The following UGT2B17 variants were observed in gnomAD, a reference collection of about 807,000 sequenced individuals.
UGT2B17 encodes UDP-glucuronosyltransferase 2B17.
In UGT2B17, 21 loss-of-function variants were observed where a neutral mutation model predicts 48.2. That is an observed-to-expected ratio of 0.44 (90% confidence interval 0.31 to 0.63). The LOEUF (loss-of-function observed/expected upper bound fraction) is 0.63. Among genes scored for constraint, UGT2B17 ranks in the 20% least tolerant of loss-of-function variants. The pLI is 0.08. For synonymous variants in UGT2B17, 146 were observed against 238.4 expected, an observed-to-expected ratio of 0.61 and a Z score of 3.57; for missense variants, 402 against 696.1, an observed-to-expected ratio of 0.58 and a Z score of 4.75.
chr4:68,540,516 G>T (rs142418764), intron 6 of UGT2B17, among the ~76,000 whole-genome samples: 7,383 of 125,972 alleles, frequency 0.059, 1,823 homozygotes, highest in African/African-American at 0.17. Flanking sequence ...TAGAGACAGG[G>T]TTTCACTATG....
intron 4 of UGT2B17, among the ~76,000 whole-genome samples, chr4:68,556,481 A>G (rs1433554649): frequency 8.0e-6 from 1 of 125,006 alleles, no homozygotes; most frequent in Non-Finnish European, 1.7e-5. Context: ...ATCACAGAAG[A>G]GGTGGGTGTG....
chr4:68,576,021 G>A lies in UGT2B17; in HGVS notation c.-135C>T, dbSNP rs751535054. Among the ~76,000 whole-genome samples, 20 of 126,032 alleles carry A rather than the reference G, an allele frequency of 1.6e-4. 5 individuals are homozygous for A. Among genetic ancestry groups the A allele is most frequent in the Middle Eastern group, 7.9e-3 (2 of 252 alleles). 82.7% of individuals were successfully genotyped at this position (126,032 alleles called of 152,430 possible). On this transcript the variant is annotated 5_prime_UTR_variant, in exon 1 of 7. Transcript: ENST00000317746. Reference sequence around the variant, plus strand: ...TTCAGCCACTGTGTTAATCCTCCACGGGGGCCTGCTACGTGTTGATCTGGT... The same window carrying A: ...TTCAGCCACTGTGTTAATCCTCCACAGGGGCCTGCTACGTGTTGATCTGGT...
At chr4:68,555,465 C>G (rs7440777) in intron 4 of UGT2B17, among the ~76,000 whole-genome samples, 31,514 of 124,744 alleles carry the variant, frequency 0.25, 10,232 homozygotes, top group Admixed American at 0.39. Context: ...AAACTATAAA[C>G]TAAGTTCCTC....
In UGT2B17 at chr4:68,568,069, C is replaced by G. The variant is rs1286962315; in HGVS notation, c.416G>C (p.Arg139Thr). The G allele has an allele frequency of 2.3e-5, 32 of 1,382,894 alleles. 8 individuals are homozygous for G. The highest frequency in any genetic ancestry group is 2.9e-5 in the African/African-American group (2 of 67,940). The allele number at this position is 1,382,894 out of a possible 1,614,324, so 85.7% of individuals were successfully genotyped here. A position where few individuals can be genotyped will look rare whatever the true frequency, so the allele number is the denominator to read the frequency against. ...EDAVLNKKLM[R>T]KLQESKFDVL... ...ATCAAATTTTGACTCTTGTAGTTTT[C>G]TCATAAGTTTCTTGTTCAAAACTGC... The change falls in exon 2 of 7, where the codon AGA becomes ACA. Residue 139 changes from arginine to threonine, a missense_variant. Physicochemically the swap from Arg to Thr is moderately conservative, Grantham distance 71. Transcript: ENST00000317746.
rs1315977864 is a variant in UGT2B17 at position 68,575,747 on chromosome 4, A to T, written c.-65+204T>A. Among the ~76,000 whole-genome samples the T allele has an allele frequency of 2.4e-5, 3 of 126,842 alleles. 1 individual carries two copies. Among genetic ancestry groups the T allele is most frequent in the Non-Finnish European group, 5.0e-5 (3 of 59,770 alleles). The allele number at this position is 126,842 out of a possible 152,430, so 83.2% of individuals were successfully genotyped here. A position where few individuals can be genotyped will look rare whatever the true frequency, so the allele number is the denominator to read the frequency against. On this transcript the variant is annotated intron_variant, in intron 1 of 6. Coordinates refer to ENST00000317746, the MANE Select transcript of UGT2B17 (RefSeq NM_001077.4). Reference sequence around the variant, plus strand: ...ATTCAAGTCAAGTCAAAACCAGATCAAAAGTGCCAATACAGGCACACCGTG... The same window carrying T: ...ATTCAAGTCAAGTCAAAACCAGATCTAAAGTGCCAATACAGGCACACCGTG...
intron 6 of UGT2B17, among the ~76,000 whole-genome samples, chr4:68,546,083 C>T (rs1295215818): frequency 1.6e-5 from 2 of 125,904 alleles, no homozygotes; most frequent in Non-Finnish European, 3.4e-5. Context: ...ATGAGGCCAA[C>T]ATCATCCTGA....
chr4:68,559,105 A>T (rs1197283167), intron 4 of UGT2B17, among the ~76,000 whole-genome samples: 1 of 125,430 alleles, frequency 8.0e-6, no homozygotes, highest in Non-Finnish European at 1.7e-5. Context: ...ACTAGCTGTA[A>T]CCTTCCAAAT....
chr4:68,563,591 C>A (rs1459449245), intron 3 of UGT2B17, among the ~76,000 whole-genome samples: 1 of 126,502 alleles, frequency 7.9e-6, no homozygotes, highest in African/African-American at 2.7e-5. Flanking sequence ...TAGTAATAAT[C>A]ACTATTGTAC....
chr4:68,557,130 T>C lies in UGT2B17; in HGVS notation c.1005+3407A>G, dbSNP rs1388792799. 4.0e-5 allele frequency among the ~76,000 whole-genome samples: 5 copies of C among 124,954 alleles called. 1 individual carries two copies. Among genetic ancestry groups the C allele is most frequent in the African/African-American group, 5.4e-5 (2 of 36,702 alleles). 82.0% of individuals were successfully genotyped at this position (124,954 alleles called of 152,430 possible). On this transcript the variant is annotated intron_variant, in intron 4 of 6. Coordinates refer to ENST00000317746, the MANE Select transcript of UGT2B17 (RefSeq NM_001077.4). ...ATGGGAAACTCCTATAATTCTGATA[T>C]GACTTAGTGTGTACATTATCAGTAA... is the stretch of plus-strand genomic sequence containing the variant.
chr4:68,561,698 A>T (rs1731106380), intron 3 of UGT2B17, among the ~76,000 whole-genome samples: 1 of 120,600 alleles, frequency 8.3e-6, no homozygotes, highest in African/African-American at 2.8e-5. Flanking sequence ...ATGAATGAGA[A>T]TTATTCTGAC....
rs1432021855 is a variant in UGT2B17 at position 68,545,362 on chromosome 4, T to C, written c.1313+5315A>G. ...TGAAATGAAGGCAGAATTAAAGATGTTCTTTGAAACCAACGAGAACAAAGA... is the reference window on the plus strand; with the variant it reads ...TGAAATGAAGGCAGAATTAAAGATGCTCTTTGAAACCAACGAGAACAAAGA... On this transcript the variant is annotated intron_variant, in intron 6 of 6. Transcript: ENST00000317746. 2.4e-5 allele frequency among the ~76,000 whole-genome samples: 3 copies of C among 125,922 alleles called. 1 individual carries two copies. The highest frequency in any genetic ancestry group is 5.0e-5 in the Non-Finnish European group (3 of 59,554). 82.6% of individuals were successfully genotyped at this position (125,922 alleles called of 152,430 possible).
chr4:68,542,359 T>G (rs1488005698), intron 6 of UGT2B17, among the ~76,000 whole-genome samples: 1 of 126,306 alleles, frequency 7.9e-6, no homozygotes, highest in Non-Finnish European at 1.7e-5. Context: ...GGGCTCTTTT[T>G]TGGTTCCATA....
intron 6 of UGT2B17, among the ~76,000 whole-genome samples, chr4:68,549,388 A>G (rs1248875728): frequency 8.0e-6 from 1 of 124,886 alleles, no homozygotes; most frequent in Non-Finnish European, 1.7e-5. Flanking sequence ...GGAAGAAAAT[A>G]TATGAAAATC....
rs770966701 is a variant in UGT2B17, at chr4:68,540,139, G to GAT, written c.1314-2237_1314-2236dup. ...TTCTGTCTACACACACACAACCAGA[G>GAT]ATATATGTATGGATACATATATACA... On this transcript the variant is annotated intron_variant, in intron 6 of 6. Transcript: ENST00000317746. Among the ~76,000 whole-genome samples the GAT allele has an allele frequency of 3.2e-5, 4 of 124,376 alleles. 1 individual carries two copies. The highest frequency in any genetic ancestry group is 6.8e-5 in the Non-Finnish European group (4 of 59,026). 81.6% of individuals were successfully genotyped at this position (124,376 alleles called of 152,430 possible). A position where few individuals can be genotyped will look rare whatever the true frequency, so the allele number is the denominator to read the frequency against.
At chr4:68,549,354 A>AG (rs1730874975) in intron 6 of UGT2B17, among the ~76,000 whole-genome samples, 1 of 123,774 alleles carries the variant, frequency 8.1e-6, no homozygotes, top group Non-Finnish European at 1.7e-5. Context: ...AGTAAAAAAA[A>AG]AAAAAAATCT....
Position 68,558,832 on chromosome 4 carries a change from C to T in UGT2B17, c.1005+1705G>A, listed in dbSNP as rs1209655108. ...CACTGCCTCCCATTCTATTCAAAGA[C>T]ACCCCTCTGCTCACTGAGATAAATG... On this transcript the variant is annotated intron_variant, in intron 4 of 6. Coordinates refer to ENST00000317746, the MANE Select transcript of UGT2B17 (RefSeq NM_001077.4). Among the ~76,000 whole-genome samples the T allele has an allele frequency of 1.6e-5, 2 of 125,542 alleles. 1 individual carries two copies. The highest frequency in any genetic ancestry group is 3.4e-5 in the Non-Finnish European group (2 of 59,302). 82.4% of individuals were successfully genotyped at this position (125,542 alleles called of 152,430 possible). A position where few individuals can be genotyped will look rare whatever the true frequency, so the allele number is the denominator to read the frequency against.
intron 3 of UGT2B17, among the ~76,000 whole-genome samples, chr4:68,561,333 G>C (rs1731099233): frequency 9.3e-6 from 1 of 107,540 alleles, no homozygotes; most frequent in Non-Finnish European, 1.9e-5. Flanking sequence ...AAGAATCATT[G>C]ACGTTCATCA....
Position 68,562,276 on chromosome 4 carries a change from T to G in UGT2B17, c.874-1608A>C, listed in dbSNP as rs574240050. Among the ~76,000 whole-genome samples, 23 of 123,742 alleles carry G rather than the reference T, an allele frequency of 1.9e-4. 8 individuals are homozygous for G. In the South Asian group the frequency reaches 8.9e-3, roughly 48 times the overall value. The allele number at this position is 123,742 out of a possible 152,430, so 81.2% of individuals were successfully genotyped here. ...GATTACAGGCACCTGCCACCACGCCTGGCTAATTTTTCTGTTTTTAGTAGA... is the reference window on the plus strand; with the variant it reads ...GATTACAGGCACCTGCCACCACGCCGGGCTAATTTTTCTGTTTTTAGTAGA... On this transcript the variant is annotated intron_variant, in intron 3 of 6. Transcript: ENST00000317746.
intron 6 of UGT2B17, among the ~76,000 whole-genome samples, chr4:68,545,735 AG>A (rs2109761833): frequency 8.0e-6 from 1 of 125,656 alleles, no homozygotes; most frequent in African/African-American, 2.7e-5. Flanking sequence ...AAAATGATTA[AG>A]GGGGTATCAC....
Sources: gnomAD v4.1 joint callset for allele counts (sites outside exome capture counted in the v4.1 genomes callset) on GRCh38, gnomAD v4.1.1 for gene constraint, MANE v1.5 for transcripts, NCBI Gene and HGNC (gene_info 2026-07-23, HGNC 2026-07-21) for gene names.